Variants in XKR4 observed in about 807,000 individuals in gnomAD.
XKR4 encodes the protein XK-related protein 4.
Under a neutral mutation model 53.9 loss-of-function variants are expected in XKR4, and 12 were observed. The ratio of observed to expected loss-of-function variants is 0.22; its 90% CI spans 0.14 to 0.36. The LOEUF is 0.36. XKR4 is among the 10% of genes least tolerant of loss of function. The pLI is 1.00. For synonymous variants in XKR4, 354 were observed against 362.4 expected (o/e 0.98, Z 0.26); for missense variants, 799 against 859.5 (o/e 0.93, Z 0.88).
chr8:55,507,056 G>A (rs1806542194), intron 2 of XKR4, among the ~76,000 whole-genome samples: 1 of 151,740 alleles, frequency 6.6e-6, no homozygotes, highest in South Asian at 2.1e-4. Context: ...TGATTATCTG[G>A]TTCAAGTCTT....
chr8:55,264,581 C>T lies in XKR4; in HGVS notation c.807-93097C>T, dbSNP rs73682933. ...TAAAGTCAATGTCTAAGCCACATTT[C>T]GTACCTTAGTATGTGAAACTATGAA... On this transcript the variant is annotated intron_variant, in intron 1 of 2. Coordinates refer to ENST00000327381, the MANE Select transcript of XKR4 (RefSeq NM_052898.2). 9.9e-3 allele frequency among the ~76,000 whole-genome samples: 1,501 copies of T among 152,294 alleles called. 12 individuals are homozygous for T. The highest frequency in any genetic ancestry group is 0.014 in the African/African-American group (586 of 41,566).
At chr8:55,150,809 T>C (rs1168571661) in intron 1 of XKR4, among the ~76,000 whole-genome samples, 1 of 152,114 alleles carries the variant, frequency 6.6e-6, no homozygotes, top group Non-Finnish European at 1.5e-5. Context: ...CTCATGGTGG[T>C]CTCCACAATA....
intron 1 of XKR4, among the ~76,000 whole-genome samples, chr8:55,214,341 A>T (rs909387939): frequency 6.6e-6 from 1 of 152,230 alleles, no homozygotes; most frequent in African/African-American, 2.4e-5. Context: ...CAAGTCAATC[A>T]TGCTGCCTTA....
At position 55,529,107 on chromosome 8, in the gene XKR4, A is replaced by G. The variant is rs917321329; in HGVS notation, c.*4880A>G. 6.6e-6 allele frequency: 1 copy of G among 151,420 alleles called. No homozygotes were observed. The allele number at this position is 151,420 out of a possible 1,614,324, so 9.4% of individuals were successfully genotyped here. On this transcript the variant is annotated 3_prime_UTR_variant, in exon 3 of 3. Transcript: ENST00000327381. ...ACTCATTCTAAAGTAAAACTGCAGA[A>G]TATGGGTGGAATTGTATAAAAACAT...
chr8:55,144,712 C>T (rs1816748222), intron 1 of XKR4, among the ~76,000 whole-genome samples: 1 of 152,110 alleles, frequency 6.6e-6, no homozygotes, highest in South Asian at 2.1e-4. Flanking sequence ...TGTTTGAGCT[C>T]TGCCCTGTGT....
At chr8:55,264,809 C>T (rs551682596) in intron 1 of XKR4, among the ~76,000 whole-genome samples, 87 of 152,282 alleles carry the variant, frequency 5.7e-4, no homozygotes, top group African/African-American at 2.0e-3. Flanking sequence ...TCTGTCTACA[C>T]AAAACATAGA....
In XKR4 at chr8:55,144,502, A is replaced by G. The variant is rs1021740621; in HGVS notation, c.806+41208A>G. On this transcript the variant is annotated intron_variant, in intron 1 of 2. Transcript: ENST00000327381. ...TATTCAGCTCCAGGCAACCGTTGCC[A>G]TGATGGATTTTGGCCTAGTGCTGTT... Among the ~76,000 whole-genome samples, 15 of 152,332 alleles carry G rather than the reference A, an allele frequency of 9.8e-5. 1 individual carries two copies. Among genetic ancestry groups the G allele is most frequent in the Admixed American group, 7.8e-4 (12 of 15,300 alleles).
intron 2 of XKR4, among the ~76,000 whole-genome samples, chr8:55,421,140 A>T (rs1356579630): frequency 6.6e-6 from 1 of 152,212 alleles, no homozygotes; most frequent in African/African-American, 2.4e-5. Flanking sequence ...AATAATAGTG[A>T]TTCTAAAAAC....
At chr8:55,176,732 A>G (rs1347177391) in intron 1 of XKR4, among the ~76,000 whole-genome samples, 1 of 152,078 alleles carries the variant, frequency 6.6e-6, no homozygotes, top group African/African-American at 2.4e-5. Flanking sequence ...TTTTACATCT[A>G]TTAAAATTTC....
rs1269525850 is a variant in XKR4, at chr8:55,402,235, C to T, written c.1006+44358C>T. 2.6e-5 allele frequency among the ~76,000 whole-genome samples: 4 copies of T among 152,202 alleles called. No individual in the cohort carries two copies. The East Asian group carries it at 5.8e-4, about 22-fold the overall frequency. ...ACTGGCCACACTTTGGGAACTACTGCACTAGGGTACCTGCCCCTGCGTGGA... is the reference window on the plus strand; with the variant it reads ...ACTGGCCACACTTTGGGAACTACTGTACTAGGGTACCTGCCCCTGCGTGGA... On this transcript the variant is annotated intron_variant, in intron 2 of 2. Coordinates refer to ENST00000327381, the MANE Select transcript of XKR4 (RefSeq NM_052898.2).
At chr8:55,390,438 G>T (rs766886872) in intron 2 of XKR4, among the ~76,000 whole-genome samples, 2 of 152,108 alleles carry the variant, frequency 1.3e-5, no homozygotes, top group Non-Finnish European at 2.9e-5. Flanking sequence ...CTGCATTTTT[G>T]TTCCATCAAC....
rs1196287430 is a variant in XKR4 at position 55,529,893 on chromosome 8, C to T, written c.*5666C>T. On this transcript the variant is annotated 3_prime_UTR_variant, in exon 3 of 3. Coordinates refer to ENST00000327381, the MANE Select transcript of XKR4 (RefSeq NM_052898.2). Reference sequence around the variant, plus strand: ...TAACTAAATTTTACCTTAACTCTAACTCATAGTAGGCAGATAAATGCTATT... The same window carrying T: ...TAACTAAATTTTACCTTAACTCTAATTCATAGTAGGCAGATAAATGCTATT... 3 of 152,152 alleles carry T rather than the reference C, an allele frequency of 2.0e-5. No individual in the cohort carries two copies. The highest frequency in any genetic ancestry group is 2.9e-5 in the Non-Finnish European group (2 of 68,032). 9.4% of individuals were successfully genotyped at this position (152,152 alleles called of 1,614,324 possible). A position where few individuals can be genotyped will look rare whatever the true frequency, so the allele number is the denominator to read the frequency against.
At chr8:55,143,803 T>C (rs1236569629) in intron 1 of XKR4, among the ~76,000 whole-genome samples, 1 of 152,224 alleles carries the variant, frequency 6.6e-6, no homozygotes, top group African/African-American at 2.4e-5. Flanking sequence ...TCTGCGGGCA[T>C]GTCAGTACAC....
rs180735168 is a variant in XKR4 at position 55,276,877 on chromosome 8, A to T, written c.807-80801A>T. ...ATGAAGTGGAAAGAGAAAGAACAAA[A>T]TAAATCCAGTCAGACAAACGAAAAG... On this transcript the variant is annotated intron_variant, in intron 1 of 2. Transcript: ENST00000327381. 2.0e-5 allele frequency among the ~76,000 whole-genome samples: 3 copies of T among 152,238 alleles called. No individual in the cohort carries two copies. In the East Asian group the frequency reaches 5.8e-4, roughly 29 times the overall value.
At chr8:55,431,888 A>G (rs768874730) in intron 2 of XKR4, among the ~76,000 whole-genome samples, 3 of 152,198 alleles carry the variant, frequency 2.0e-5, no homozygotes, top group Non-Finnish European at 1.5e-5. Flanking sequence ...TTCTTTCTTC[A>G]TGGACTGGAA....
intron 2 of XKR4, among the ~76,000 whole-genome samples, chr8:55,471,460 G>T (rs1805880663): frequency 1.3e-5 from 2 of 152,088 alleles, no homozygotes; most frequent in South Asian, 4.1e-4. Context: ...GAAACTCGGA[G>T]TTGGGGCCCG....
intron 2 of XKR4, among the ~76,000 whole-genome samples, chr8:55,435,206 G>T (rs903228161): frequency 6.6e-6 from 1 of 152,150 alleles, no homozygotes; most frequent in African/African-American, 2.4e-5. Flanking sequence ...CATTCAGTCC[G>T]CTTATAGGGC....
intron 1 of XKR4, among the ~76,000 whole-genome samples, chr8:55,328,770 G>A (rs1161199263): frequency 6.6e-6 from 1 of 152,146 alleles, no homozygotes; most frequent in African/African-American, 2.4e-5. Flanking sequence ...ACTGCCTGCA[G>A]CTCCCTTCCC....
At chr8:55,314,432 C>G (rs542245962) in intron 1 of XKR4, among the ~76,000 whole-genome samples, 1 of 152,018 alleles carries the variant, frequency 6.6e-6, no homozygotes, top group Non-Finnish European at 1.5e-5. Flanking sequence ...GCTGGGGCAC[C>G]GACCTCAAGG....
Sources: allele counts gnomAD v4.1 joint callset (sites outside exome capture counted in the v4.1 genomes callset), GRCh38; gene constraint gnomAD v4.1.1; transcripts MANE v1.5; gene names NCBI Gene and HGNC (gene_info 2026-07-23, HGNC 2026-07-21).